Variants in UBP1 observed in about 807,000 individuals in gnomAD.
The protein encoded by UBP1 is upstream binding protein 1, also known as upstream-binding protein 1.
Under a neutral mutation model 76.1 loss-of-function variants are expected in UBP1, and 22 were observed. The observed-to-expected ratio is 0.29, with a 90% CI of 0.21 to 0.41. The LOEUF is 0.41. UBP1 is among the 10% of genes least tolerant of loss of function. UBP1 has a pLI of 1.00. For synonymous variants in UBP1, 224 were observed against 237.1 expected (o/e 0.94, Z 0.51); for missense variants, 436 against 668.1 (o/e 0.65, Z 3.83).
At chr3:33,411,755 A>G (rs886896807) in intron 4 of UBP1, 68 bp from the exon 5 acceptor site, 1 of 1,247,442 alleles carries the variant, frequency 8.0e-7, no homozygotes, top group South Asian at 1.2e-5. Flanking sequence ...ACAACTTACT[A>G]TATTATGTTC....
At chr3:33,434,229 C>T (rs1447810144) in intron 1 of UBP1, among the ~76,000 whole-genome samples, 6 of 149,524 alleles carry the variant, frequency 4.0e-5, no homozygotes, top group African/African-American at 1.5e-4. Context: ...TTAGCTGAGA[C>T]AGTTCTTAGA....
chr3:33,395,370 A>G (rs1303302922), intron 13 of UBP1, among the ~76,000 whole-genome samples: 2 of 151,958 alleles, frequency 1.3e-5, no homozygotes, highest in African/African-American at 4.8e-5. Flanking sequence ...CCTTTGTTCT[A>G]CTTCAGAGTA....
chr3:33,438,907 G>A (rs530059122), intron 1 of UBP1, among the ~76,000 whole-genome samples: 1 of 152,276 alleles, frequency 6.6e-6, no homozygotes, highest in East Asian at 1.9e-4. Context: ...TTATTGAAAA[G>A]CTGCCAAACC....
Position 33,397,138 on chromosome 3 carries a change from A to G in UBP1, c.1181-3T>C, listed in dbSNP as rs1280121100. On this transcript the variant is annotated splice_polypyrimidine_tract_variant and splice_region_variant and intron_variant, in intron 11 of 15. Coordinates refer to ENST00000283629, the MANE Select transcript of UBP1 (RefSeq NM_014517.5). ...TGTCAGTTTTAATAAGTCGGCACCT[A>G]GAGAAGAGCAAAAATATTTTTCTCA... 1 of 1,573,672 alleles carries G rather than the reference A, an allele frequency of 6.4e-7. No individual in the cohort carries two copies. Among genetic ancestry groups the G allele is most frequent in the South Asian group, 1.2e-5 (1 of 84,478 alleles).
Position 33,409,085 on chromosome 3 carries a change from T to C in UBP1, c.819+151A>G, listed in dbSNP as rs931860656. On this transcript the variant is annotated intron_variant, in intron 7 of 15. Transcript: ENST00000283629. ...GAAACAGTCTATCAAAATCCCCAAA[T>C]TTAAATATTTTCCCCAGAAATTTCA... is the stretch of plus-strand genomic sequence containing the variant. 9 of 788,986 alleles carry C rather than the reference T, an allele frequency of 1.1e-5. No homozygotes were observed. The African/African-American group carries it at 1.6e-4, about 14-fold the overall frequency. The allele number at this position is 788,986 out of a possible 1,614,324, so 48.9% of individuals were successfully genotyped here.
chr3:33,436,399 T>C (rs1575494406), intron 1 of UBP1, among the ~76,000 whole-genome samples: 1 of 152,348 alleles, frequency 6.6e-6, no homozygotes, highest in Non-Finnish European at 1.5e-5. Context: ...CTCAAAGCAG[T>C]TTTGATTTAG....
At chr3:33,425,880 T>A (rs2045002441) in intron 1 of UBP1, 139 bp from the exon 2 acceptor site, 2 of 709,992 alleles carry the variant, frequency 2.8e-6, no homozygotes, top group Non-Finnish European at 4.2e-6. Flanking sequence ...TTTTTTAAGA[T>A]CAGAAATTAT....
At chr3:33,398,632 C>G (rs939564263) in intron 11 of UBP1, among the ~76,000 whole-genome samples, 1 of 152,224 alleles carries the variant, frequency 6.6e-6, no homozygotes, top group African/African-American at 2.4e-5. Flanking sequence ...ATGGCTAGCT[C>G]CTCGCCCACT....
At chr3:33,408,298 T>C (rs1430082746) in intron 8 of UBP1, among the ~76,000 whole-genome samples, 1 of 152,160 alleles carries the variant, frequency 6.6e-6, no homozygotes, top group African/African-American at 2.4e-5. Flanking sequence ...AAGACCCTTT[T>C]CAGTTACACA....
intron 1 of UBP1, among the ~76,000 whole-genome samples, chr3:33,426,923 C>T (rs1418769134): frequency 1.3e-5 from 2 of 152,000 alleles, no homozygotes; most frequent in Non-Finnish European, 2.9e-5. Context: ...AAGTATACAC[C>T]TGGAACTGGA....
chr3:33,421,705 A>C (rs1203684449), intron 2 of UBP1, among the ~76,000 whole-genome samples: 1 of 152,184 alleles, frequency 6.6e-6, no homozygotes, highest in African/African-American at 2.4e-5. Context: ...ACCAAATTTG[A>C]TTTTTATTTT....
intron 10 of UBP1, among the ~76,000 whole-genome samples, chr3:33,400,548 A>G (rs972817720): frequency 5.3e-5 from 8 of 152,208 alleles, no homozygotes; most frequent in African/African-American, 1.9e-4. Flanking sequence ...TGAACATTTC[A>G]TTGTCTTAAG....
chr3:33,415,753 C>CA (rs565224161), intron 3 of UBP1, among the ~76,000 whole-genome samples: 413 of 140,910 alleles, frequency 2.9e-3, no homozygotes, highest in African/African-American at 5.5e-3. Context: ...GATACATTAA[C>CA]AAAAAAAAAA....
chr3:33,398,799 G>A (rs1008524178), intron 11 of UBP1, among the ~76,000 whole-genome samples: 1 of 152,142 alleles, frequency 6.6e-6, no homozygotes, highest in Non-Finnish European at 1.5e-5. Context: ...AAATGTCGGC[G>A]CTTTTTCTAT....
chr3:33,417,039 TTC>T (rs1394183882), intron 2 of UBP1, among the ~76,000 whole-genome samples: 1 of 152,236 alleles, frequency 6.6e-6, no homozygotes, highest in Non-Finnish European at 1.5e-5. Flanking sequence ...AGACAAGAGT[TTC>T]TCTGTCAATT....
At chr3:33,426,388 C>T (rs917820605) in intron 1 of UBP1, among the ~76,000 whole-genome samples, 1 of 152,046 alleles carries the variant, frequency 6.6e-6, no homozygotes, top group African/African-American at 2.4e-5. Context: ...GAGGGGTCTT[C>T]TGGGACACTG....
chr3:33,440,047 G>C lies in UBP1; in HGVS notation c.-199C>G. 2.0e-6 allele frequency: 1 copy of C among 497,000 alleles called. No individual in the cohort carries two copies. Among genetic ancestry groups the C allele is most frequent in the East Asian group, 3.6e-5 (1 of 28,018 alleles). The allele number at this position is 497,000 out of a possible 1,614,324, so 30.8% of individuals were successfully genotyped here. On this transcript the variant is annotated 5_prime_UTR_variant, in exon 1 of 16. Coordinates refer to ENST00000283629, the MANE Select transcript of UBP1 (RefSeq NM_014517.5). ...ACGAGCCCAGCGAGCAATTGCAGCG[G>C]GAGCGGCCGGGCCGCCGGCAGCGCC... is the stretch of plus-strand genomic sequence containing the variant.
intron 8 of UBP1, chr3:33,403,588 A>G (rs866581665): frequency 2.7e-5 from 4 of 150,170 alleles, no homozygotes; most frequent in African/African-American, 7.5e-5. Context: ...CTGTCTGTCT[A>G]TCTATCTATC....
rs886479326 is a variant in UBP1 at position 33,389,246 on chromosome 3, T to C, written c.*1085A>G. 2.8e-4 allele frequency: 42 copies of C among 152,638 alleles called. No homozygotes were observed. The highest frequency in any genetic ancestry group is 2.5e-3 in the Admixed American group (38 of 15,278). The allele number at this position is 152,638 out of a possible 1,614,324, so 9.5% of individuals were successfully genotyped here. On this transcript the variant is annotated 3_prime_UTR_variant, in exon 16 of 16. Transcript: ENST00000283629. ...TCATCACCAGAATGTCTATCCATGA[T>C]TGTACTAAAGCTCAATATTTGAGAG...
Sources: allele counts gnomAD v4.1 joint callset (sites outside exome capture counted in the v4.1 genomes callset), GRCh38; gene constraint gnomAD v4.1.1; transcripts MANE v1.5; gene names NCBI Gene and HGNC (gene_info 2026-07-23, HGNC 2026-07-21).